Variants in MBD6 observed in about 807,000 individuals in gnomAD.
MBD6 encodes methyl-CpG-binding domain protein 6.
In MBD6, 22 loss-of-function variants were observed where a neutral mutation model predicts 66.8. The observed-to-expected ratio is 0.33, with a 90% CI of 0.24 to 0.47. MBD6 has a LOEUF of 0.47. MBD6 is among the 20% of genes least tolerant of loss of function. MBD6 has a pLI of 1.00. For synonymous variants in MBD6, 540 were observed against 534.6 expected, an observed-to-expected ratio of 1.01 and a Z score of -0.14; for missense variants, 1,322 against 1,286.9, an observed-to-expected ratio of 1.03 and a Z score of -0.42.
At position 57,529,432 on chromosome 12, in the gene MBD6, C is replaced by CCCA; in HGVS notation, c.*200_*201insACC. On this transcript the variant is annotated 3_prime_UTR_variant, in exon 13 of 13. Coordinates refer to ENST00000355673, the MANE Select transcript of MBD6 (RefSeq NM_052897.4). ...CAGGGAAGTTCACCCCCCCCCACCA[C>CCCA]CCCCCCGCCCCCCCGAAGCCATGTC... 2 of 512,340 alleles carry CCCA rather than the reference C, an allele frequency of 3.9e-6. 1 individual carries two copies. Among genetic ancestry groups the CCCA allele is most frequent in the Non-Finnish European group, 6.9e-6 (2 of 291,318 alleles). The allele number at this position is 512,340 out of a possible 1,614,324, so 31.7% of individuals were successfully genotyped here.
At chr12:57,530,741 A>C (rs754080721), downstream of MBD6, 3 of 1,613,872 alleles carry the variant, frequency 1.9e-6, no homozygotes, top group Admixed American at 3.3e-5. Flanking sequence ...GTTCCCCTCA[A>C]CTGTGGCCAG....
chr12:57,527,388 G>C, intron 7 of MBD6, 119 bp from the exon 8 acceptor site: 1 of 1,327,170 alleles, frequency 7.5e-7, no homozygotes, highest in Non-Finnish European at 1.1e-6. Context: ...AATTGGGTCT[G>C]TATTTAATAA....
In MBD6 at chr12:57,526,644, G is replaced by A. The variant is rs1166154951; in HGVS notation, c.1499G>A (p.Gly500Glu). Residue 500 changes from glycine to glutamate, a missense_variant, in exon 7 of 13, where the codon GGG (glycine) becomes GAG (glutamate). By Grantham distance (98) the Gly-to-Glu change is moderately conservative. Coordinates refer to ENST00000355673, the MANE Select transcript of MBD6 (RefSeq NM_052897.4). ...PVLQSPSEGL[G>E]MGAGPACPLP... ...CTTCAAAGCCCATCCGAAGGACTGGGGATGGGGGCAGGCCCGGCCTGCCCT... is the reference window on the plus strand; with the variant it reads ...CTTCAAAGCCCATCCGAAGGACTGGAGATGGGGGCAGGCCCGGCCTGCCCT... 6.6e-7 allele frequency: 1 copy of A among 1,515,410 alleles called. No homozygotes were observed. The highest frequency in any genetic ancestry group is 2.3e-5 in the East Asian group (1 of 43,940). The allele number at this position is 1,515,410 out of a possible 1,614,324, so 93.9% of individuals were successfully genotyped here.
At chr12:57,527,714 A>G in intron 8 of MBD6, 54 bp downstream of exon 8, 1 of 1,557,282 alleles carries the variant, frequency 6.4e-7, no homozygotes, top group Non-Finnish European at 8.7e-7. Flanking sequence ...GCAGGAGTAA[A>G]ACTTGGGAGT....
chr12:57,528,141 CA>C lies in MBD6; in HGVS notation c.2407-5del. The C allele has an allele frequency of 6.3e-7, 1 of 1,580,656 alleles. No homozygotes were observed. The highest frequency in any genetic ancestry group is 8.6e-7 in the Non-Finnish European group (1 of 1,168,962). ...ATTGACTGAGAACTTATTTTTTTGCCAGCAGATCCCTCCAGAGCAGCCAGAA... is the reference window on the plus strand; with the variant it reads ...ATTGACTGAGAACTTATTTTTTTGCCGCAGATCCCTCCAGAGCAGCCAGAA... On this transcript the variant is annotated splice_region_variant and splice_polypyrimidine_tract_variant and intron_variant, in intron 9 of 12. Coordinates refer to ENST00000355673, the MANE Select transcript of MBD6 (RefSeq NM_052897.4).
chr12:57,528,049 A>G, intron 9 of MBD6, 32 bp downstream of exon 9: 4 of 1,527,948 alleles, frequency 2.6e-6, no homozygotes, highest in East Asian at 2.3e-5. Context: ...TGTCAGGGAG[A>G]TAATTTTTTC....
In MBD6 at chr12:57,529,569, T is replaced by C; in HGVS notation, c.*335T>C. 1 of 244,072 alleles carries C rather than the reference T, an allele frequency of 4.1e-6. No individual in the cohort carries two copies. The highest frequency in any genetic ancestry group is 8.1e-6 in the Non-Finnish European group (1 of 123,434). The allele number at this position is 244,072 out of a possible 1,614,324, so 15.1% of individuals were successfully genotyped here. A position where few individuals can be genotyped will look rare whatever the true frequency, so the allele number is the denominator to read the frequency against. On this transcript the variant is annotated 3_prime_UTR_variant, in exon 13 of 13. Coordinates refer to ENST00000355673, the MANE Select transcript of MBD6 (RefSeq NM_052897.4). ...TTTAAGTTATTTTTGCACAAATGAC[T>C]CTTTTATATTTAATTCGATTTCATT...
In MBD6 at chr12:57,525,268, T is replaced by G. The variant is rs1003363708; in HGVS notation, c.380-80T>G. On this transcript the variant is annotated intron_variant, in intron 5 of 12. Transcript: ENST00000355673. ...AGGGCACAGGGAGGTTGGGAACTTG[T>G]GGGAGATGGGACTAGAGAAGACAAA... 6 of 1,484,996 alleles carry G rather than the reference T, an allele frequency of 4.0e-6. No homozygotes were observed. The African/African-American group carries it at 4.2e-5, about 10-fold the overall frequency. The allele number at this position is 1,484,996 out of a possible 1,614,324, so 92.0% of individuals were successfully genotyped here. A position where few individuals can be genotyped will look rare whatever the true frequency, so the allele number is the denominator to read the frequency against.
At chr12:57,520,967 T>A (rs1878291131), upstream of MBD6, 3 of 153,298 alleles carry the variant, frequency 2.0e-5, no homozygotes, top group South Asian at 6.2e-4. Context: ...TCGCCCCTAG[T>A]CGGTCGTGAG....
At position 57,526,236 on chromosome 12, in the gene MBD6, C is replaced by G; in HGVS notation, c.1268C>G (p.Pro423Arg). ...LSLLGLPTPG[P>R]SHSDGSFNLL... ...CTGCTGGGACTCCCCACCCCTGGCC[C>G]TTCCCACTCTGATGGAAGCTTTAAC... The change falls in exon 6 of 13, where the codon CCT (proline) becomes CGT (arginine). Residue 423 changes from proline (P) to arginine (R), a missense_variant. Transcript: ENST00000355673. The G allele has an allele frequency of 6.2e-7, 1 of 1,614,110 alleles. No individual in the cohort carries two copies. Among genetic ancestry groups the G allele is most frequent in the Non-Finnish European group, 8.5e-7 (1 of 1,180,020 alleles).
At chr12:57,530,752 G>A (rs1879607498), downstream of MBD6, 1 of 1,613,878 alleles carries the variant, frequency 6.2e-7, no homozygotes, top group Non-Finnish European at 8.5e-7. Context: ...CTGTGGCCAG[G>A]TTTTCACGCA....
At chr12:57,525,222 G>A in intron 5 of MBD6, 107 bp downstream of exon 5, 1 of 1,496,518 alleles carries the variant, frequency 6.7e-7, no homozygotes, top group Non-Finnish European at 9.0e-7. Flanking sequence ...GGGAGTGGGT[G>A]GGGAGCTGCA....
rs1879273816 is a variant in MBD6 at position 57,528,701 on chromosome 12, C to T, written c.2856C>T (p.Gly952=). ...GAGTAGTCAGAAAGTCTCGTCGTGG[C>T]CGTAGGAGAAAATACAAGTGAGTGT... ...PPGVVRKSRR[G]RRRKYNPTRN... is the part of the protein sequence containing the mutation. Residue 952 remains glycine, a synonymous_variant, in exon 11 of 13, where the codon GGC becomes GGT. Transcript: ENST00000355673. 1.2e-6 allele frequency: 2 copies of T among 1,614,042 alleles called. No individual in the cohort carries two copies. Among genetic ancestry groups the T allele is most frequent in the African/African-American group, 1.3e-5 (1 of 74,916 alleles).
Position 57,526,964 on chromosome 12 carries a change from C to T in MBD6, c.1819C>T (p.Pro607Ser). Residue 607 changes from proline (P) to serine (S), a missense_variant, in exon 7 of 13, where the codon CCC becomes TCC. Coordinates refer to ENST00000355673, the MANE Select transcript of MBD6 (RefSeq NM_052897.4). ...GGTGGCTTCCTTGCTTCCTCCACCA[C>T]CCTCAGACCTTCTTCCACCTCCTTC... ...LLVASLLPPP[P>S]SDLLPPPSAP... The T allele has an allele frequency of 3.7e-6, 6 of 1,613,848 alleles. No homozygotes were observed. The highest frequency in any genetic ancestry group is 5.1e-6 in the Non-Finnish European group (6 of 1,179,986).
rs1391795549 is a variant in MBD6, at chr12:57,526,609, C to T, written c.1464C>T (p.Pro488=). 6.6e-7 allele frequency: 1 copy of T among 1,513,470 alleles called. No homozygotes were observed. The allele number at this position is 1,513,470 out of a possible 1,614,324, so 93.8% of individuals were successfully genotyped here. ...PPAASKAPVV[P]SPVLQSPSEG... is the part of the protein sequence containing the mutation. ...CTGCCTCCAAAGCCCCAGTAGTCCC[C>T]AGCCCTGTGCTTCAAAGCCCATCCG... The change falls in exon 7 of 13, where the codon CCC becomes CCT. Residue 488 remains proline, a synonymous_variant. Transcript: ENST00000355673.
Position 57,525,000 on chromosome 12 carries a change from G to C in MBD6, c.264G>C (p.Gly88=). 1 of 1,610,800 alleles carries C rather than the reference G, an allele frequency of 6.2e-7. No homozygotes were observed. Among genetic ancestry groups the C allele is most frequent in the Middle Eastern group, 1.7e-4 (1 of 6,052 alleles). ...CCCCGGTGACCCCGGGTGGGGCTGG[G>C]GTGGGGCCAGCATCAGAGGAGGACA... ...PLAPVTPGGA[G]VGPASEEDMT... Residue 88 remains glycine (G), a synonymous_variant, in exon 5 of 13, where the codon GGG becomes GGC. Transcript: ENST00000355673.
At chr12:57,523,526 C>T (rs1292668017) in intron 1 of MBD6, among the ~76,000 whole-genome samples, 1 of 152,164 alleles carries the variant, frequency 6.6e-6, no homozygotes, top group Non-Finnish European at 1.5e-5. Flanking sequence ...GTGATCCTCA[C>T]CTCTTAAGAC....
At chr12:57,528,092 A>G (rs1339945527) in intron 9 of MBD6, 55 bp from the exon 10 acceptor site, 1 of 1,539,732 alleles carries the variant, frequency 6.5e-7, no homozygotes. Flanking sequence ...TCTGAGTTAT[A>G]GTAGAAGAGG....
intron 12 of MBD6, 67 bp from the exon 13 acceptor site, chr12:57,529,093 G>A (rs183204312): frequency 1.4e-4 from 226 of 1,612,844 alleles, no homozygotes; most frequent in Non-Finnish European, 1.7e-4. Flanking sequence ...AGAGGGAGTG[G>A]GGAGAAAAGA....
Sources: gnomAD v4.1 joint callset for allele counts (sites outside exome capture counted in the v4.1 genomes callset) on GRCh38, gnomAD v4.1.1 for gene constraint, MANE v1.5 for transcripts, NCBI Gene and HGNC (gene_info 2026-07-23, HGNC 2026-07-21) for gene names.